Variants in SEMA5A observed in about 807,000 individuals in gnomAD.
The protein encoded by SEMA5A is semaphorin-5A.
SEMA5A carries 55 observed loss-of-function variants against 135.5 expected under a neutral mutation model. That is an observed-to-expected ratio of 0.41 (90% confidence interval 0.33 to 0.51). SEMA5A has a LOEUF of 0.51. Among genes scored for constraint, SEMA5A ranks in the 20% least tolerant of loss-of-function variants. The pLI is 0.37. For synonymous variants in SEMA5A, 580 were observed against 546.5 expected, an observed-to-expected ratio of 1.06 and a Z score of -0.85; for missense variants, 1,290 against 1,419.9, an observed-to-expected ratio of 0.91 and a Z score of 1.47.
intron 3 of SEMA5A, among the ~76,000 whole-genome samples, chr5:9,355,643 G>A (rs1754407523): frequency 6.6e-6 from 1 of 152,144 alleles, no homozygotes; most frequent in Non-Finnish European, 1.5e-5. Context: ...AGTAAGGTGG[G>A]AACAGAGAAG....
intron 1 of SEMA5A, among the ~76,000 whole-genome samples, chr5:9,521,379 C>T (rs547889852): frequency 6.6e-6 from 1 of 152,266 alleles, no homozygotes; most frequent in East Asian, 1.9e-4. Flanking sequence ...CACTGCATTC[C>T]AGCCTGGGCA....
At chr5:9,120,932 C>T (rs7722859) in intron 14 of SEMA5A, among the ~76,000 whole-genome samples, 2,278 of 152,162 alleles carry the variant, frequency 0.015, 31 homozygotes, top group Non-Finnish European at 0.023. Flanking sequence ...GCATGTGCCA[C>T]CATGCCCAGC....
intron 11 of SEMA5A, among the ~76,000 whole-genome samples, chr5:9,188,633 G>A (rs1248136423): frequency 2.6e-5 from 4 of 152,220 alleles, no homozygotes; most frequent in Admixed American, 1.3e-4. Context: ...CCTATTCTCC[G>A]TGTCATCAGC....
At chr5:9,335,157 T>C (rs1209279033) in intron 4 of SEMA5A, among the ~76,000 whole-genome samples, 1 of 151,958 alleles carries the variant, frequency 6.6e-6, no homozygotes, top group Non-Finnish European at 1.5e-5. Flanking sequence ...CCAGGGAAAC[T>C]AGAAGACACA....
chr5:9,329,552 A>G (rs1753025340), intron 4 of SEMA5A, among the ~76,000 whole-genome samples: 1 of 152,252 alleles, frequency 6.6e-6, no homozygotes, highest in Admixed American at 6.5e-5. Flanking sequence ...TATTTGAGTA[A>G]CACAGAGTCT....
chr5:9,062,993 A>C lies in SEMA5A; in HGVS notation c.2412T>G (p.Ile804Met). ...SQCSRDCSRGIRNRKRVCNNP... is the reference protein window; with the variant it reads ...SQCSRDCSRGMRNRKRVCNNP... ...TGTTGCAAACACGCTTCCGGTTCCGAATGCCCCTGCTGCAGTCACGGCTGC... is the reference window on the plus strand; with the variant it reads ...TGTTGCAAACACGCTTCCGGTTCCGCATGCCCCTGCTGCAGTCACGGCTGC... Residue 804 changes from isoleucine (I) to methionine (M), a missense_variant, in exon 18 of 23, where the codon ATT becomes ATG. Ile to Met is a conservative substitution (Grantham distance 10). This residue lies in a region of SEMA5A where 1,029 missense variants were observed against 1,086.6 expected (regional missense o/e 0.95). Coordinates refer to ENST00000382496, the MANE Select transcript of SEMA5A (RefSeq NM_003966.3). The C allele has an allele frequency of 8.7e-6, 14 of 1,614,194 alleles. No individual in the cohort carries two copies. The highest frequency in any genetic ancestry group is 1.2e-5 in the Non-Finnish European group (14 of 1,180,022).
intron 13 of SEMA5A, among the ~76,000 whole-genome samples, chr5:9,135,515 T>G (rs944405989): frequency 1.3e-5 from 2 of 152,002 alleles, no homozygotes; most frequent in Admixed American, 1.3e-4. Context: ...GGACAGGCTT[T>G]ATGAATATGT....
At chr5:9,348,642 T>C (rs922353414) in intron 3 of SEMA5A, among the ~76,000 whole-genome samples, 1 of 152,228 alleles carries the variant, frequency 6.6e-6, no homozygotes, top group Admixed American at 6.5e-5. Flanking sequence ...CAAAAAGTAA[T>C]TTCCCTTAGA....
At chr5:9,196,013 T>G (rs1040478928) in intron 10 of SEMA5A, among the ~76,000 whole-genome samples, 5 of 152,258 alleles carry the variant, frequency 3.3e-5, no homozygotes, top group African/African-American at 1.2e-4. Context: ...TGTCTTTCCC[T>G]GCACATGGAG....
At chr5:9,457,190 T>C (rs1758870864) in intron 1 of SEMA5A, among the ~76,000 whole-genome samples, 1 of 152,192 alleles carries the variant, frequency 6.6e-6, no homozygotes, top group Non-Finnish European at 1.5e-5. Flanking sequence ...CTTCCTAAGA[T>C]ACTTAAAAGA....
At chr5:9,335,296 T>A (rs1396927855) in intron 4 of SEMA5A, among the ~76,000 whole-genome samples, 1 of 152,182 alleles carries the variant, frequency 6.6e-6, no homozygotes, top group Non-Finnish European at 1.5e-5. Context: ...GACTCTGGGA[T>A]GAAGACCTCC....
At position 9,192,709 on chromosome 5, in the gene SEMA5A, A is replaced by T. The variant is rs112420793; in HGVS notation, c.1069-2238T>A. On this transcript the variant is annotated intron_variant, in intron 10 of 22. Transcript: ENST00000382496. Reference sequence around the variant, plus strand: ...ATGAAAAAGAGCTCTACTAGGCTTGATCTAATGTCTACGCAGAAAGGTTCT... The same window carrying T: ...ATGAAAAAGAGCTCTACTAGGCTTGTTCTAATGTCTACGCAGAAAGGTTCT... Among the ~76,000 whole-genome samples, 239 of 152,332 alleles carry T rather than the reference A, an allele frequency of 1.6e-3. 2 individuals are homozygous for T. Among genetic ancestry groups the T allele is most frequent in the African/African-American group, 5.6e-3 (231 of 41,568 alleles).
At chr5:9,231,976 G>A (rs142868073) in intron 6 of SEMA5A, among the ~76,000 whole-genome samples, 1 of 152,286 alleles carries the variant, frequency 6.6e-6, no homozygotes, top group Admixed American at 6.5e-5. Flanking sequence ...ATGTGGGCCT[G>A]TGATCCACAG....
chr5:9,208,360 T>C (rs1746163905), intron 8 of SEMA5A, among the ~76,000 whole-genome samples: 2 of 152,324 alleles, frequency 1.3e-5, no homozygotes, highest in South Asian at 4.1e-4. Flanking sequence ...AGTACTGCTC[T>C]AGGCATTTCC....
chr5:9,306,123 G>T (rs1751856878), intron 5 of SEMA5A, among the ~76,000 whole-genome samples: 1 of 152,210 alleles, frequency 6.6e-6, no homozygotes, highest in South Asian at 2.1e-4. Flanking sequence ...TAACGTGCTG[G>T]TGTGGTTATC....
At chr5:9,051,499 TTC>T (rs1389581345) in intron 20 of SEMA5A, among the ~76,000 whole-genome samples, 5 of 152,246 alleles carry the variant, frequency 3.3e-5, no homozygotes, top group Non-Finnish European at 7.3e-5. Context: ...ATGGTGCTTT[TTC>T]TCTGTGTGCC....
chr5:9,469,251 C>T (rs1759385522), intron 1 of SEMA5A, among the ~76,000 whole-genome samples: 2 of 152,302 alleles, frequency 1.3e-5, no homozygotes, highest in South Asian at 4.2e-4. Flanking sequence ...TTGTGATCCA[C>T]CTGCCTCGGC....
At chr5:9,166,981 C>T (rs1743644133) in intron 11 of SEMA5A, among the ~76,000 whole-genome samples, 1 of 152,198 alleles carries the variant, frequency 6.6e-6, no homozygotes, top group Non-Finnish European at 1.5e-5. Flanking sequence ...CTAAATTACC[C>T]TCTAGCCCCC....
At chr5:9,066,989 TAA>T (rs1308237347) in intron 16 of SEMA5A, among the ~76,000 whole-genome samples, 2 of 152,196 alleles carry the variant, frequency 1.3e-5, no homozygotes, top group African/African-American at 4.8e-5. Context: ...ATTCCGATGT[TAA>T]GTTTAGCTAT....
Sources: allele counts gnomAD v4.1 joint callset (sites outside exome capture counted in the v4.1 genomes callset), GRCh38; gene constraint gnomAD v4.1.1; regional missense constraint gnomAD v4.1.1; transcripts MANE v1.5; gene names NCBI Gene and HGNC (gene_info 2026-07-23, HGNC 2026-07-21).